Variants in DERA observed in about 807,000 individuals in gnomAD.
The protein encoded by DERA is 2-deoxy-D-ribose 5-phosphate aldolase.
Under a neutral mutation model 41.1 loss-of-function variants are expected in DERA, and 15 were observed. That is an observed-to-expected ratio of 0.37 (90% CI 0.24 to 0.56). The LOEUF is 0.56. Ranked by LOEUF, DERA falls within the 20% of genes least tolerant of loss-of-function variation. DERA has a pLI of 0.81. For missense variants in DERA, 396 were observed against 403.4 expected (o/e 0.98, Z 0.16); for synonymous variants, 139 against 137.4 (o/e 1.01, Z -0.08).
intron 6 of DERA, among the ~76,000 whole-genome samples, chr12:16,025,481 G>T (rs913581389): frequency 6.6e-6 from 1 of 151,998 alleles, no homozygotes. Flanking sequence ...AATGATGAGG[G>T]GGTCATTTCT....
chr12:15,935,870 T>G lies in DERA; in HGVS notation c.32-21066T>G, dbSNP rs114686238. On this transcript the variant is annotated intron_variant, in intron 1 of 8. Transcript: ENST00000428559. The surrounding 1 kb of genome is among the most constrained non-coding windows in gnomAD (Gnocchi z 4.8). ...TCTGGCTTGGGGTCTCTCATGAGGT[T>G]GCAATCAAGTTATTGGCCCAGGCAG... 3.0e-3 allele frequency among the ~76,000 whole-genome samples: 453 copies of G among 152,294 alleles called. 3 individuals carry two copies. Among genetic ancestry groups the G allele is most frequent in the African/African-American group, 0.01 (432 of 41,564 alleles).
chr12:16,035,854 T>C lies in DERA; in HGVS notation c.751-378T>C, dbSNP rs756345911. 6.6e-6 allele frequency among the ~76,000 whole-genome samples: 1 copy of C among 152,214 alleles called. No individual in the cohort carries two copies. The highest frequency in any genetic ancestry group is 1.5e-5 in the Non-Finnish European group (1 of 68,038). ...GACTCTACAGGCTTACTTGTGGAAA[T>C]GTAGAATGAGTGGGCTTTGCTTTTG... On this transcript the variant is annotated intron_variant, in intron 7 of 8. Transcript: ENST00000428559. This position sits in a 1 kb window ranked among gnomAD's most constrained non-coding sequence, Gnocchi z 4.1.
rs938093387 is a variant in DERA, at chr12:15,918,290, C to T, written c.31+6876C>T. ...GGGGCTGTGGACCTCTGTGCCCGGC[C>T]GCCTCGCCTCCCTCTGCAGGTGGAT... On this transcript the variant is annotated intron_variant, in intron 1 of 8. Coordinates refer to ENST00000428559, the MANE Select transcript of DERA (RefSeq NM_015954.4). The surrounding 1 kb of genome is among the most constrained non-coding windows in gnomAD (Gnocchi z 4.3). Among the ~76,000 whole-genome samples, 7 of 152,144 alleles carry T rather than the reference C, an allele frequency of 4.6e-5. No homozygotes were observed. The highest frequency in any genetic ancestry group is 2.0e-4 in the Admixed American group (3 of 15,274).
At chr12:16,031,086 A>G (rs1295009661) in intron 6 of DERA, among the ~76,000 whole-genome samples, 1 of 152,224 alleles carries the variant, frequency 6.6e-6, no homozygotes, top group Admixed American at 6.5e-5. Context: ...GTGTAATACT[A>G]TGAAGCAAGT....
intron 1 of DERA, among the ~76,000 whole-genome samples, chr12:15,914,382 C>T (rs1384343440): frequency 7.2e-6 from 1 of 139,304 alleles, no homozygotes; most frequent in Non-Finnish European, 1.5e-5. Context: ...CAGACTGTGT[C>T]TCAAAAAAGA....
Position 15,956,978 on chromosome 12 carries a change from T to C in DERA, c.74T>C (p.Val25Ala), listed in dbSNP as rs1948544719. The C allele has an allele frequency of 6.2e-7, 1 of 1,613,824 alleles. No individual in the cohort carries two copies. Among genetic ancestry groups the C allele is most frequent in the Non-Finnish European group, 8.5e-7 (1 of 1,179,868 alleles). ...ISKIQVNHPA[V>A]LRRAEQIQAR... Reference sequence around the variant, plus strand: ...AAAATACAAGTGAATCACCCGGCAGTTCTGAGGCGTGCGGAACAAATCCAG... The same window carrying C: ...AAAATACAAGTGAATCACCCGGCAGCTCTGAGGCGTGCGGAACAAATCCAG... Residue 25 changes from valine to alanine, a missense_variant, in exon 2 of 9, where the codon GTT (valine) becomes GCT (alanine). Transcript: ENST00000428559.
chr12:16,005,826 G>A (rs974278372), intron 6 of DERA, among the ~76,000 whole-genome samples: 2 of 152,194 alleles, frequency 1.3e-5, no homozygotes, highest in African/African-American at 2.4e-5. Context: ...GTTAAGTCCT[G>A]TAGACATAGA....
chr12:15,936,838 CT>C lies in DERA; in HGVS notation c.32-20096del, dbSNP rs1004539016. Among the ~76,000 whole-genome samples, 3 of 145,234 alleles carry C rather than the reference CT, an allele frequency of 2.1e-5. No individual in the cohort carries two copies. The highest frequency in any genetic ancestry group is 7.9e-5 in the African/African-American group (3 of 37,990). On this transcript the variant is annotated intron_variant, in intron 1 of 8. Coordinates refer to ENST00000428559, the MANE Select transcript of DERA (RefSeq NM_015954.4). This position sits in a 1 kb window ranked among gnomAD's most constrained non-coding sequence, Gnocchi z 4.6. ...GATGTCATTTAACTTATTTCTGCAT[CT>C]TCTGTCTTGTGTTGTCTTGTCTTGT... is the stretch of plus-strand genomic sequence containing the variant.
chr12:15,944,788 A>T (rs530089470), intron 1 of DERA, among the ~76,000 whole-genome samples: 21 of 152,190 alleles, frequency 1.4e-4, no homozygotes, highest in African/African-American at 5.1e-4. Context: ...GGTGTTTTAG[A>T]CATGAAGTCC....
intron 1 of DERA, among the ~76,000 whole-genome samples, chr12:15,929,362 T>A (rs1231216616): frequency 6.6e-6 from 1 of 152,208 alleles, no homozygotes; most frequent in Non-Finnish European, 1.5e-5. Context: ...GTGTTTTGAA[T>A]CAGCACCCAG....
intron 1 of DERA, among the ~76,000 whole-genome samples, chr12:15,926,608 C>T (rs1480893995): frequency 1.3e-5 from 2 of 151,846 alleles, no homozygotes; most frequent in African/African-American, 4.8e-5. Context: ...TGGTGGCGGG[C>T]GCCTGTAGTC....
At chr12:15,942,427 T>C (rs1948415313) in intron 1 of DERA, among the ~76,000 whole-genome samples, 1 of 152,196 alleles carries the variant, frequency 6.6e-6, no homozygotes, top group Non-Finnish European at 1.5e-5. Flanking sequence ...TAGTCATGAA[T>C]TGTTTACTTA....
At position 15,952,763 on chromosome 12, in the gene DERA, C is replaced by T. The variant is rs962779841; in HGVS notation, c.32-4173C>T. ...CTCAGGTAGGCACAAGTGTGTGGCT[C>T]CTGATTGGACAGCGCATGTCTACAC... is the stretch of plus-strand genomic sequence containing the variant. On this transcript the variant is annotated intron_variant, in intron 1 of 8. Coordinates refer to ENST00000428559, the MANE Select transcript of DERA (RefSeq NM_015954.4). Among the ~76,000 whole-genome samples, 11 of 152,204 alleles carry T rather than the reference C, an allele frequency of 7.2e-5. 1 individual carries two copies. The highest frequency in any genetic ancestry group is 6.5e-4 in the Admixed American group (10 of 15,278).
chr12:15,960,207 TACAC>T (rs537447371), intron 4 of DERA, among the ~76,000 whole-genome samples: 7 of 145,534 alleles, frequency 4.8e-5, no homozygotes, highest in African/African-American at 1.0e-4. Flanking sequence ...TATATATATA[TACAC>T]ACACACACAC....
chr12:15,977,126 C>T (rs1233956603), intron 5 of DERA, among the ~76,000 whole-genome samples: 2 of 151,916 alleles, frequency 1.3e-5, no homozygotes, highest in Admixed American at 1.3e-4. Context: ...AGCTTTTTTC[C>T]CCTAGAAGAA....
At chr12:15,920,717 T>G (rs1354196497) in intron 1 of DERA, among the ~76,000 whole-genome samples, 1 of 152,310 alleles carries the variant, frequency 6.6e-6, no homozygotes, top group East Asian at 1.9e-4. Flanking sequence ...CCTGTAACAG[T>G]TCCAGCTACT....
In DERA at chr12:15,982,720, T is replaced by A. The variant is rs1388332074; in HGVS notation, c.637+284T>A. On this transcript the variant is annotated intron_variant, in intron 6 of 8. Transcript: ENST00000428559. This position sits in a 1 kb window ranked among gnomAD's most constrained non-coding sequence, Gnocchi z 4.0. ...GTGAATTGCCTTCTGTTTTATTCTT[T>A]GATTATTCACTCATCAACATATGTT... Among the ~76,000 whole-genome samples the A allele has an allele frequency of 6.6e-6, 1 of 152,240 alleles. No individual in the cohort carries two copies. The highest frequency in any genetic ancestry group is 1.5e-5 in the Non-Finnish European group (1 of 68,034).
Position 16,036,156 on chromosome 12 carries a change from CTG to C in DERA, c.751-75_751-74del. 7.9e-7 allele frequency: 1 copy of C among 1,273,156 alleles called. No individual in the cohort carries two copies. The highest frequency in any genetic ancestry group is 1.0e-6 in the Non-Finnish European group (1 of 981,654). The allele number at this position is 1,273,156 out of a possible 1,614,324, so 78.9% of individuals were successfully genotyped here. A position where few individuals can be genotyped will look rare whatever the true frequency, so the allele number is the denominator to read the frequency against. ...AAGAGGGAGAGAGAGAATCAAGACT[CTG>C]ATAAACATAGTACTATTTTTAAAAG... On this transcript the variant is annotated intron_variant, in intron 7 of 8. Transcript: ENST00000428559. This position sits in a 1 kb window ranked among gnomAD's most constrained non-coding sequence, Gnocchi z 4.9.
In DERA at chr12:15,982,433, G is replaced by A. The variant is rs1056220724; in HGVS notation, c.634G>A (p.Ala212Thr). The change falls in exon 6 of 9, where the codon GCA becomes ACA. Residue 212 changes from alanine to threonine, a missense_variant. By Grantham distance (58) the Ala-to-Thr change is moderately conservative. Coordinates refer to ENST00000428559, the MANE Select transcript of DERA (RefSeq NM_015954.4). The surrounding 1 kb of genome is among the most constrained non-coding windows in gnomAD (Gnocchi z 4.0). Reference sequence around the variant, plus strand: ...TAAAGCCAGTATGATAGCAATGATGGCAGGTAAGTGTTTTATGTTCAAATA... The same window carrying A: ...TAAAGCCAGTATGATAGCAATGATGACAGGTAAGTGTTTTATGTTCAAATA... ...VYKASMIAMM[A>T]GSDFIKTSTG... is the part of the protein sequence containing the mutation. The A allele has an allele frequency of 1.6e-5, 26 of 1,602,562 alleles. No homozygotes were observed. Among genetic ancestry groups the A allele is most frequent in the Non-Finnish European group, 1.9e-5 (22 of 1,176,852 alleles).
Sources: allele counts gnomAD v4.1 joint callset (sites outside exome capture counted in the v4.1 genomes callset), GRCh38; gene constraint gnomAD v4.1.1; non-coding constraint Gnocchi (gnomAD v3.1); transcripts MANE v1.5; gene names NCBI Gene and HGNC (gene_info 2026-07-23, HGNC 2026-07-21).